The following CUL1 variants were observed in gnomAD, a reference collection of about 807,000 sequenced individuals.
CUL1 encodes cullin-1.
A neutral mutation model predicts 118.0 loss-of-function variants in CUL1; 24 were observed. That is an observed-to-expected ratio of 0.20 (90% CI 0.15 to 0.29). CUL1 has a LOEUF of 0.29. Among genes scored for constraint, CUL1 ranks in the 10% least tolerant of loss-of-function variants. The pLI is 1.00. For synonymous variants in CUL1, 332 were observed against 340.4 expected, an observed-to-expected ratio of 0.98 and a Z score of 0.27; for missense variants, 361 against 933.8, an observed-to-expected ratio of 0.39 and a Z score of 7.99.
intron 9 of CUL1, among the ~76,000 whole-genome samples, chr7:148,783,027 G>T (rs1235796957): frequency 6.6e-6 from 1 of 152,222 alleles, no homozygotes; most frequent in Non-Finnish European, 1.5e-5. Flanking sequence ...CTGCTGCCCA[G>T]TGTGGGCTTT....
chr7:148,786,529 G>C (rs746116042), intron 11 of CUL1, 22 bp from the exon 12 acceptor site: 1 of 1,595,718 alleles, frequency 6.3e-7, no homozygotes, highest in South Asian at 1.1e-5. Context: ...TTTAAAACAT[G>C]GTATCTTTTT....
intron 2 of CUL1, among the ~76,000 whole-genome samples, chr7:148,753,237 GAGTATA>G (rs1271239673): frequency 1.3e-5 from 2 of 152,058 alleles, no homozygotes; most frequent in South Asian, 2.1e-4. Flanking sequence ...TGATCTTTCT[GAGTATA>G]AGTATCTTTC....
intron 9 of CUL1, among the ~76,000 whole-genome samples, chr7:148,775,139 CTTCTGGTAGATTTGAG>C (rs1285126741): frequency 6.6e-6 from 1 of 152,218 alleles, no homozygotes; most frequent in Non-Finnish European, 1.5e-5. Flanking sequence ...CTACCAGCTA[CTTCTGGTAGATTTGAG>C]TTTGGGTTTA....
chr7:148,783,395 G>A, intron 9 of CUL1: 1 of 985,460 alleles, frequency 1.0e-6, no homozygotes, highest in Non-Finnish European at 1.2e-6. Context: ...GCTGATGACC[G>A]ACCTCGGCGG....
chr7:148,742,873 G>A (rs1395302425), intron 2 of CUL1, among the ~76,000 whole-genome samples: 2 of 151,774 alleles, frequency 1.3e-5, no homozygotes, highest in African/African-American at 4.8e-5. Flanking sequence ...CAAAGTGCTG[G>A]GATTACAGGC....
At chr7:148,771,901 G>C (rs1263559620) in intron 9 of CUL1, among the ~76,000 whole-genome samples, 1 of 152,080 alleles carries the variant, frequency 6.6e-6, no homozygotes, top group African/African-American at 2.4e-5. Flanking sequence ...TCAAAGCAGA[G>C]ACCATTCCTT....
chr7:148,720,647 C>T (rs1798369697), intron 1 of CUL1, among the ~76,000 whole-genome samples: 1 of 152,132 alleles, frequency 6.6e-6, no homozygotes. Flanking sequence ...AGCTGGGCAG[C>T]TGAGGCTTCT....
intron 3 of CUL1, among the ~76,000 whole-genome samples, chr7:148,755,532 C>T (rs1799627056): frequency 6.6e-6 from 1 of 152,164 alleles, no homozygotes; most frequent in Non-Finnish European, 1.5e-5. Flanking sequence ...TTTTCATCTT[C>T]CCCAAATGGT....
At chr7:148,702,623 G>A (rs1158838326) in intron 1 of CUL1, among the ~76,000 whole-genome samples, 1 of 152,156 alleles carries the variant, frequency 6.6e-6, no homozygotes, top group Non-Finnish European at 1.5e-5. Flanking sequence ...GCCTTTCCTA[G>A]TGTTGACTCC....
At chr7:148,708,741 G>C (rs576516216) in intron 1 of CUL1, among the ~76,000 whole-genome samples, 2 of 152,320 alleles carry the variant, frequency 1.3e-5, no homozygotes, top group Middle Eastern at 3.4e-3. Flanking sequence ...TCACTTGAAA[G>C]TAGCTGGATG....
At chr7:148,737,332 G>A (rs1798980771) in intron 2 of CUL1, among the ~76,000 whole-genome samples, 1 of 151,516 alleles carries the variant, frequency 6.6e-6, no homozygotes, top group Admixed American at 6.6e-5. Context: ...ATAATCAATT[G>A]CAATTAGTTT....
Position 148,767,737 on chromosome 7 carries a change from A to G in CUL1, c.1071A>G (p.Glu357=). ...TTGCAGCCATTGAAAAGTGTGGAGA[A>G]GCTGCTTTAAATGTAAGTGAGATTT... ...QGLAAIEKCG[E]AALNDPKMYV... The change falls in exon 9 of 22, where the codon GAA becomes GAG. Residue 357 remains glutamate, a synonymous_variant. Transcript: ENST00000325222. 6.2e-7 allele frequency: 1 copy of G among 1,612,714 alleles called. No homozygotes were observed. Among genetic ancestry groups the G allele is most frequent in the East Asian group, 2.2e-5 (1 of 44,828 alleles).
Position 148,800,166 on chromosome 7 carries a change from C to G in CUL1, c.2251-336C>G, listed in dbSNP as rs968924898. ...CCCTGTTCCCTGTTCATGGCCTCTT[C>G]TTGTGAGACTGAGTCCTGCCGCAGA... On this transcript the variant is annotated intron_variant, in intron 21 of 21. Coordinates refer to ENST00000325222, the MANE Select transcript of CUL1 (RefSeq NM_003592.3). The surrounding 1 kb of genome is among the most constrained non-coding windows in gnomAD (Gnocchi z 4.6). Among the ~76,000 whole-genome samples, 9 of 152,182 alleles carry G rather than the reference C, an allele frequency of 5.9e-5. No individual in the cohort carries two copies. The highest frequency in any genetic ancestry group is 1.2e-4 in the Non-Finnish European group (8 of 68,034).
At chr7:148,751,098 A>C (rs1222707031) in intron 2 of CUL1, among the ~76,000 whole-genome samples, 2 of 152,160 alleles carry the variant, frequency 1.3e-5, no homozygotes, top group Non-Finnish European at 2.9e-5. Flanking sequence ...AAACTCATGC[A>C]CTACAGGGTG....
chr7:148,725,219 G>GCGCGCGCACA, intron 1 of CUL1, among the ~76,000 whole-genome samples: 10 of 140,060 alleles, frequency 7.1e-5, no homozygotes, highest in East Asian at 6.5e-4. Flanking sequence ...ACACGCGCGC[G>GCGCGCGCACA]CTCACACACA....
In CUL1 at chr7:148,751,187, G is replaced by T. The variant is rs1157188468; in HGVS notation, c.141-2789G>T. Among the ~76,000 whole-genome samples the T allele has an allele frequency of 3.9e-5, 6 of 152,110 alleles. No individual in the cohort carries two copies. In the East Asian group the frequency reaches 5.8e-4, roughly 15 times the overall value. On this transcript the variant is annotated intron_variant, in intron 2 of 21. Coordinates refer to ENST00000325222, the MANE Select transcript of CUL1 (RefSeq NM_003592.3). ...ACCACTTTGGGAGGCCAAACAGGAG[G>T]ATTGCTTGAGCCCAAGAATTTTGGA... is the stretch of plus-strand genomic sequence containing the variant.
intron 16 of CUL1, among the ~76,000 whole-genome samples, chr7:148,792,437 G>A (rs993631018): frequency 1.3e-5 from 2 of 152,040 alleles, no homozygotes; most frequent in East Asian, 3.9e-4. Flanking sequence ...TAAATGCGTG[G>A]GGACGTATCT....
intron 1 of CUL1, among the ~76,000 whole-genome samples, chr7:148,700,653 C>G (rs1033556989): frequency 1.3e-5 from 2 of 152,198 alleles, no homozygotes; most frequent in African/African-American, 4.8e-5. Context: ...GACTGGCTCG[C>G]TTTAACTCTA....
intron 1 of CUL1, among the ~76,000 whole-genome samples, chr7:148,702,335 A>G (rs1365990130): frequency 6.6e-6 from 1 of 152,158 alleles, no homozygotes; most frequent in Non-Finnish European, 1.5e-5. Flanking sequence ...CTTGGGAGAG[A>G]AGACATGGAG....
Sources: gnomAD v4.1 joint callset for allele counts (sites outside exome capture counted in the v4.1 genomes callset) on GRCh38, gnomAD v4.1.1 for gene constraint, Gnocchi (gnomAD v3.1) non-coding constraint, MANE v1.5 for transcripts, NCBI Gene and HGNC (gene_info 2026-07-23, HGNC 2026-07-21) for gene names.